GALNT13: variants seen among roughly 807,000 people sequenced by gnomAD.
The protein encoded by GALNT13 is polypeptide N-acetylgalactosaminyltransferase 13, also known as UDP-GalNAc:polypeptide N-acetylgalactosaminyltransferase 13.
GALNT13 carries 28 observed loss-of-function variants against 64.2 expected under a neutral mutation model. The observed-to-expected ratio is 0.44, with a 90% CI of 0.32 to 0.60. The LOEUF (loss-of-function observed/expected upper bound fraction) is 0.60. GALNT13 is among the 20% of genes least tolerant of loss of function. The pLI, the probability that GALNT13 is intolerant of heterozygous loss-of-function variation, is 0.05. For missense variants in GALNT13, 577 were observed against 669.8 expected, an observed-to-expected ratio of 0.86 and a Z score of 1.53; for synonymous variants, 214 against 224.6, an observed-to-expected ratio of 0.95 and a Z score of 0.42.
chr2:154,115,727 A>G (rs1703261371), intron 3 of GALNT13, among the ~76,000 whole-genome samples: 1 of 151,890 alleles, frequency 6.6e-6, no homozygotes, highest in Non-Finnish European at 1.5e-5. Flanking sequence ...GGCCTATTAG[A>G]ATTTATTTTT....
chr2:153,286,491 ATTAG>A, the GALNT13 span, among the ~76,000 whole-genome samples: 1 of 152,128 alleles, frequency 6.6e-6, no homozygotes, highest in Non-Finnish European at 1.5e-5. Context: ...AGAATATAAG[ATTAG>A]TTAAGAAAAG....
chr2:153,887,946 G>A (rs1687299112), intron 1 of GALNT13, among the ~76,000 whole-genome samples: 2 of 151,908 alleles, frequency 1.3e-5, no homozygotes, highest in South Asian at 4.1e-4. Flanking sequence ...TTTATTTTCG[G>A]TATGTGATAT....
At chr2:153,095,205 A>G in the GALNT13 span, among the ~76,000 whole-genome samples, 1 of 152,224 alleles carries the variant, frequency 6.6e-6, no homozygotes, top group East Asian at 1.9e-4. Flanking sequence ...AAAATCAAAC[A>G]ACCCCATCAA....
the GALNT13 span, among the ~76,000 whole-genome samples, chr2:153,846,174 G>A: frequency 1.3e-5 from 2 of 151,968 alleles, no homozygotes; most frequent in Admixed American, 6.6e-5. Flanking sequence ...TTGAATACAC[G>A]GAAAGGATAA....
chr2:153,541,770 T>C, the GALNT13 span, among the ~76,000 whole-genome samples: 3 of 152,216 alleles, frequency 2.0e-5, no homozygotes, highest in African/African-American at 7.2e-5. Flanking sequence ...TAGCATTAGC[T>C]TTTTTGTTCA....
At chr2:153,562,060 C>CTCTGTA in the GALNT13 span, among the ~76,000 whole-genome samples, 1 of 118,904 alleles carries the variant, frequency 8.4e-6, no homozygotes, top group African/African-American at 3.8e-5. Context: ...CTCTCTCTCT[C>CTCTGTA]TGTGTGTGTG....
At chr2:153,120,109 T>C in the GALNT13 span, among the ~76,000 whole-genome samples, 2 of 152,344 alleles carry the variant, frequency 1.3e-5, no homozygotes, top group South Asian at 2.1e-4. Flanking sequence ...AAGAAAGTTA[T>C]AGTAACTTGG....
chr2:153,917,848 G>A (rs1689487632), intron 2 of GALNT13, among the ~76,000 whole-genome samples: 1 of 151,044 alleles, frequency 6.6e-6, no homozygotes, highest in African/African-American at 2.4e-5. Flanking sequence ...AGGGAGGATA[G>A]AAGCAGAGAG....
the GALNT13 span, among the ~76,000 whole-genome samples, chr2:153,579,898 T>G: frequency 1.3e-5 from 2 of 152,138 alleles, no homozygotes; most frequent in African/African-American, 4.8e-5. Flanking sequence ...CCCCACCTTC[T>G]GTGGAAAAAT....
the GALNT13 span, among the ~76,000 whole-genome samples, chr2:153,301,589 T>G: frequency 6.6e-6 from 1 of 152,140 alleles, no homozygotes; most frequent in South Asian, 2.1e-4. Context: ...GAATACGATA[T>G]GTACATTGTT....
At chr2:154,085,136 A>G (rs1423418850) in intron 3 of GALNT13, among the ~76,000 whole-genome samples, 2 of 151,962 alleles carry the variant, frequency 1.3e-5, no homozygotes, top group African/African-American at 4.8e-5. Flanking sequence ...ATGAAATCGA[A>G]ATATTTGGCA....
At chr2:153,543,342 C>A in the GALNT13 span, among the ~76,000 whole-genome samples, 1 of 152,136 alleles carries the variant, frequency 6.6e-6, no homozygotes, top group Non-Finnish European at 1.5e-5. Context: ...TGAGTGCATG[C>A]CCTGTGACCA....
chr2:154,386,433 T>A (rs1217405735), intron 9 of GALNT13, among the ~76,000 whole-genome samples: 3 of 152,082 alleles, frequency 2.0e-5, no homozygotes, highest in African/African-American at 7.2e-5. Context: ...CTTGATACTA[T>A]CTGGGTGGCC....
the GALNT13 span, among the ~76,000 whole-genome samples, chr2:153,520,014 A>G: frequency 2.0e-5 from 3 of 152,170 alleles, no homozygotes; most frequent in Non-Finnish European, 4.4e-5. Context: ...GTCCATCTTT[A>G]ATCTCTCTCC....
the GALNT13 span, among the ~76,000 whole-genome samples, chr2:153,352,781 C>G: frequency 6.6e-6 from 1 of 152,080 alleles, no homozygotes; most frequent in African/African-American, 2.4e-5. Flanking sequence ...CAGTCTATTT[C>G]TGAGCTCTTT....
chr2:154,271,703 A>G (rs1691364551), intron 8 of GALNT13, among the ~76,000 whole-genome samples: 1 of 151,914 alleles, frequency 6.6e-6, no homozygotes, highest in Admixed American at 6.6e-5. Flanking sequence ...CTATCTAACC[A>G]ATCATGAATA....
chr2:153,100,694 G>A, the GALNT13 span, among the ~76,000 whole-genome samples: 1 of 152,080 alleles, frequency 6.6e-6, no homozygotes, highest in Non-Finnish European at 1.5e-5. Context: ...TGAAAGACAG[G>A]CATACACATA....
the GALNT13 span, among the ~76,000 whole-genome samples, chr2:153,458,724 T>C: frequency 1.5e-4 from 23 of 152,334 alleles, no homozygotes; most frequent in East Asian, 4.2e-3. Context: ...TATTTAATGT[T>C]TCTTGAAATG....
At chr2:153,845,154 C>A in the GALNT13 span, among the ~76,000 whole-genome samples, 3 of 152,138 alleles carry the variant, frequency 2.0e-5, no homozygotes, top group Admixed American at 2.0e-4. Flanking sequence ...TAGCAAGGCC[C>A]CACTCCCAGT....
Sources: gnomAD v4.1 joint callset for allele counts (sites outside exome capture counted in the v4.1 genomes callset) on GRCh38, gnomAD v4.1.1 for gene constraint, MANE v1.5 for transcripts, NCBI Gene and HGNC (gene_info 2026-07-23, HGNC 2026-07-21) for gene names.